CHST9: variants seen among roughly 807,000 people sequenced by gnomAD.
CHST9 encodes carbohydrate sulfotransferase 9.
A neutral mutation model predicts 44.4 loss-of-function variants in CHST9; 41 were observed. That is an observed-to-expected ratio of 0.92 (90% CI 0.72 to 1.20). CHST9 has a LOEUF of 1.20. CHST9 is among the 50% of genes most tolerant of loss of function. The pLI is 0.00. For synonymous variants in CHST9, 171 were observed against 178.4 expected, an observed-to-expected ratio of 0.96 and a Z score of 0.33; for missense variants, 504 against 516.5, an observed-to-expected ratio of 0.98 and a Z score of 0.23.
chr18:27,106,133 T>C (rs1260991211), intron 2 of CHST9, among the ~76,000 whole-genome samples: 3 of 152,176 alleles, frequency 2.0e-5, no homozygotes, highest in African/African-American at 4.8e-5. Flanking sequence ...TTTATCAATA[T>C]ATAAACAGCC....
At chr18:27,092,947 G>C (rs1196611263) in intron 2 of CHST9, among the ~76,000 whole-genome samples, 1 of 152,228 alleles carries the variant, frequency 6.6e-6, no homozygotes, top group Non-Finnish European at 1.5e-5. Flanking sequence ...GAGTTCTATA[G>C]ATGTCTATTA....
intron 4 of CHST9, chr18:26,952,243 C>A: frequency 1.1e-5 from 6 of 527,354 alleles, no homozygotes. Flanking sequence ...CTTCTGGCAT[C>A]ATCTGCTGGC....
intron 2 of CHST9, among the ~76,000 whole-genome samples, chr18:27,059,930 A>C (rs28375771): frequency 0.031 from 4,774 of 152,322 alleles, 208 homozygotes; most frequent in African/African-American, 0.094. Flanking sequence ...TGTTTAGATC[A>C]GTGGATATTG....
At chr18:27,122,403 T>C (rs1231018214) in intron 2 of CHST9, among the ~76,000 whole-genome samples, 1 of 152,198 alleles carries the variant, frequency 6.6e-6, no homozygotes, top group Non-Finnish European at 1.5e-5. Context: ...CAGAGTTACA[T>C]TGAATACAAA....
intron 2 of CHST9, among the ~76,000 whole-genome samples, chr18:27,141,234 G>A (rs1245999415): frequency 4.6e-5 from 7 of 151,972 alleles, no homozygotes; most frequent in Non-Finnish European, 1.0e-4. Flanking sequence ...GCGTGGTGGC[G>A]GGCGCCTGTA....
At chr18:27,178,076 G>C (rs2058882534) in intron 1 of CHST9, among the ~76,000 whole-genome samples, 1 of 151,948 alleles carries the variant, frequency 6.6e-6, no homozygotes, top group Non-Finnish European at 1.5e-5. Flanking sequence ...GTCAGTCTGA[G>C]GTTGAATGTT....
intron 4 of CHST9, among the ~76,000 whole-genome samples, chr18:27,005,944 T>C (rs2057010950): frequency 1.3e-5 from 2 of 152,202 alleles, no homozygotes; most frequent in Admixed American, 1.3e-4. Context: ...TGATTTTGAA[T>C]GAGAATCTAG....
chr18:27,176,289 TATA>T (rs1488289916), intron 1 of CHST9, among the ~76,000 whole-genome samples: 1 of 152,040 alleles, frequency 6.6e-6, no homozygotes, highest in Non-Finnish European at 1.5e-5. Flanking sequence ...TGAATGCAAA[TATA>T]ATATCTGGTA....
chr18:27,061,423 T>G (rs1035896565), intron 2 of CHST9, among the ~76,000 whole-genome samples: 9 of 152,198 alleles, frequency 5.9e-5, no homozygotes, highest in African/African-American at 2.2e-4. Flanking sequence ...GGCGTGAGAC[T>G]CTTCCCCAGC....
chr18:27,087,008 C>T (rs748211282), intron 2 of CHST9, among the ~76,000 whole-genome samples: 8 of 152,058 alleles, frequency 5.3e-5, no homozygotes, highest in Non-Finnish European at 1.2e-4. Flanking sequence ...AGCAGAATGG[C>T]TTTTATGTAT....
At chr18:26,920,371 C>T (rs1421945724) in intron 5 of CHST9, among the ~76,000 whole-genome samples, 3 of 152,218 alleles carry the variant, frequency 2.0e-5, no homozygotes, top group Admixed American at 2.0e-4. Flanking sequence ...TGTAGAAAGG[C>T]TTTCCCTATT....
intron 2 of CHST9, among the ~76,000 whole-genome samples, chr18:27,097,110 G>A (rs892714490): frequency 1.3e-5 from 2 of 152,022 alleles, no homozygotes; most frequent in African/African-American, 4.8e-5. Flanking sequence ...CGGGATACAA[G>A]GTTGGTTCAA....
intron 2 of CHST9, among the ~76,000 whole-genome samples, chr18:27,118,277 A>G (rs1167786459): frequency 6.6e-6 from 1 of 152,124 alleles, no homozygotes; most frequent in Admixed American, 6.5e-5. Flanking sequence ...AGTTCTTTGT[A>G]TATTTTGGAT....
At chr18:27,135,798 C>CTG (rs149946586) in intron 2 of CHST9, among the ~76,000 whole-genome samples, 4,095 of 152,300 alleles carry the variant, frequency 0.027, 166 homozygotes, top group African/African-American at 0.09. Flanking sequence ...ACTGATCTAA[C>CTG]TGCTTTTCTC....
chr18:27,058,019 C>G (rs1042520525), intron 2 of CHST9, among the ~76,000 whole-genome samples: 1 of 152,148 alleles, frequency 6.6e-6, no homozygotes, highest in Admixed American at 6.6e-5. Flanking sequence ...TTTTGATATT[C>G]AGGATCTCAT....
intron 1 of CHST9, among the ~76,000 whole-genome samples, chr18:27,151,414 G>A (rs933208393): frequency 2.0e-5 from 3 of 152,106 alleles, no homozygotes; most frequent in African/African-American, 4.8e-5. Flanking sequence ...CCAAGACCAG[G>A]AATTTGACAA....
chr18:27,143,627 A>G (rs2058587162), intron 1 of CHST9, among the ~76,000 whole-genome samples: 1 of 151,968 alleles, frequency 6.6e-6, no homozygotes, highest in Non-Finnish European at 1.5e-5. Flanking sequence ...CTTTTTTGAG[A>G]ATCTGATGAA....
Position 26,916,464 on chromosome 18 carries a change from T to G in CHST9, c.1127A>C (p.Asp376Ala), listed in dbSNP as rs1474879954. 6.2e-7 allele frequency: 1 copy of G among 1,613,724 alleles called. No homozygotes were observed. The highest frequency in any genetic ancestry group is 2.2e-5 in the East Asian group (1 of 44,870). ...GATCATCTGTAAAAAGTAATTGGCA[T>G]CTTCTTCCAAAGTCTCAAATTTCCC... ...FVGKFETLEE[D>A]ANYFLQMIGA... Residue 376 changes from aspartate (D) to alanine (A), a missense_variant, in exon 6 of 6, where the codon GAT (aspartate) becomes GCT (alanine). Asp to Ala is a moderately radical substitution (Grantham distance 126). Coordinates refer to ENST00000618847, the MANE Select transcript of CHST9 (RefSeq NM_031422.6).
chr18:26,995,489 TA>T (rs2056877580), intron 4 of CHST9, among the ~76,000 whole-genome samples: 2 of 143,732 alleles, frequency 1.4e-5, no homozygotes, highest in Non-Finnish European at 3.1e-5. Context: ...AACCCCAAGG[TA>T]AAACTTTCTA....
Sources: gnomAD v4.1 joint callset for allele counts (sites outside exome capture counted in the v4.1 genomes callset) on GRCh38, gnomAD v4.1.1 for gene constraint, MANE v1.5 for transcripts, NCBI Gene and HGNC (gene_info 2026-07-23, HGNC 2026-07-21) for gene names.